The following PIK3CB variants were observed in gnomAD, a reference collection of about 807,000 sequenced individuals.
PIK3CB encodes the protein phosphatidylinositol 4,5-bisphosphate 3-kinase catalytic subunit beta isoform.
A neutral mutation model predicts 136.8 loss-of-function variants in PIK3CB; 39 were observed. The ratio of observed to expected loss-of-function variants is 0.29; its 90% CI spans 0.22 to 0.37. PIK3CB has a LOEUF of 0.37. Among genes scored for constraint, PIK3CB ranks in the 10% least tolerant of loss-of-function variants. The probability of loss-of-function intolerance (pLI) is 1.00; values close to 1 mark genes in which losing one functional copy is unlikely to be tolerated. For missense variants in PIK3CB, 868 were observed against 1,275.4 expected (o/e 0.68, Z 4.87); for synonymous variants, 428 against 436.6 (o/e 0.98, Z 0.25).
At chr3:138,714,402 T>G in intron 9 of PIK3CB, 66 bp downstream of exon 9, 6 of 1,094,382 alleles carry the variant, frequency 5.5e-6, no homozygotes, top group Non-Finnish European at 7.9e-6. Flanking sequence ...ATTACTCAAT[T>G]ATTTCAAACA....
rs1934202931 is a variant in PIK3CB, at chr3:138,834,908, G to C, written c.-335C>G. 3 of 150,744 alleles carry C rather than the reference G, an allele frequency of 2.0e-5. No homozygotes were observed. The highest frequency in any genetic ancestry group is 4.1e-4 in the South Asian group (2 of 4,928). The allele number at this position is 150,744 out of a possible 1,614,324, so 9.3% of individuals were successfully genotyped here. A position where few individuals can be genotyped will look rare whatever the true frequency, so the allele number is the denominator to read the frequency against. ...GCCGACAGAGCACGCGCGCGCCGCC[G>C]CCGAACCCGCGCCCGTGTGCGCGCG... On this transcript the variant is annotated 5_prime_UTR_variant, in exon 1 of 24. Transcript: ENST00000674063.
At chr3:138,827,352 A>G (rs1933827026) in intron 1 of PIK3CB, among the ~76,000 whole-genome samples, 2 of 152,118 alleles carry the variant, frequency 1.3e-5, no homozygotes, top group Admixed American at 1.3e-4. Context: ...AGATTGAGAG[A>G]GTTAAGAACG....
In PIK3CB at chr3:138,652,721, A is replaced by G; in HGVS notation, c.*2668T>C. On this transcript the variant is annotated 3_prime_UTR_variant, in exon 24 of 24. Transcript: ENST00000674063. ...AGTAACTATAGTCGATAATTTAATT[A>G]TAGATCTTAAAATAACTAAAAGAGT... 4.7e-6 allele frequency: 1 copy of G among 213,074 alleles called. No individual in the cohort carries two copies. The highest frequency in any genetic ancestry group is 1.9e-4 in the South Asian group (1 of 5,326). 13.2% of individuals were successfully genotyped at this position (213,074 alleles called of 1,614,324 possible).
At chr3:138,693,948 T>TA (rs1289580912) in intron 14 of PIK3CB, among the ~76,000 whole-genome samples, 1 of 34,980 alleles carries the variant, frequency 2.9e-5, no homozygotes, top group Non-Finnish European at 4.2e-5. Context: ...TATATATATA[T>TA]ATATATATAT....
chr3:138,670,970 G>A (rs759067447), intron 19 of PIK3CB, among the ~76,000 whole-genome samples: 36 of 151,898 alleles, frequency 2.4e-4, no homozygotes, highest in Non-Finnish European at 4.7e-4. Flanking sequence ...TAAAAAAAAG[G>A]AAATTTAGGT....
At chr3:138,753,234 A>C (rs1014809961) in intron 4 of PIK3CB, among the ~76,000 whole-genome samples, 1 of 151,870 alleles carries the variant, frequency 6.6e-6, no homozygotes, top group African/African-American at 2.4e-5. Flanking sequence ...AATAAAAACA[A>C]AAACAGCTGG....
At chr3:138,820,103 C>A (rs1933494042) in intron 1 of PIK3CB, among the ~76,000 whole-genome samples, 2 of 152,190 alleles carry the variant, frequency 1.3e-5, no homozygotes, top group South Asian at 4.1e-4. Context: ...TCTTACAGGA[C>A]ACAAAACAAA....
At chr3:138,676,775 T>C (rs900626275) in intron 19 of PIK3CB, among the ~76,000 whole-genome samples, 3 of 152,166 alleles carry the variant, frequency 2.0e-5, no homozygotes, top group Non-Finnish European at 4.4e-5. Flanking sequence ...TCCATTTATA[T>C]AAAATGTCCA....
At chr3:138,733,261 A>G in intron 8 of PIK3CB, 100 bp downstream of exon 8, 2 of 518,222 alleles carry the variant, frequency 3.9e-6, no homozygotes, top group Non-Finnish European at 3.5e-6. Flanking sequence ...ATTGATCAAT[A>G]TGGGTAAAAT....
At chr3:138,722,129 GT>G (rs57765444) in intron 8 of PIK3CB, among the ~76,000 whole-genome samples, 2,543 of 128,626 alleles carry the variant, frequency 0.02, 46 homozygotes, top group African/African-American at 0.038. Flanking sequence ...GCTACTGGGT[GT>G]TTTTTTTTTT....
intron 2 of PIK3CB, among the ~76,000 whole-genome samples, chr3:138,787,577 G>C (rs1007353379): frequency 2.0e-5 from 3 of 151,848 alleles, no homozygotes; most frequent in Admixed American, 6.6e-5. Context: ...CCCTTTCATA[G>C]CTTTTACTGG....
In PIK3CB at chr3:138,712,267, T is replaced by C; in HGVS notation, c.1340A>G (p.Asp447Gly). The C allele has an allele frequency of 6.3e-7, 1 of 1,584,750 alleles. No individual in the cohort carries two copies. The highest frequency in any genetic ancestry group is 8.6e-7 in the Non-Finnish European group (1 of 1,161,612). Residue 447 changes from aspartate (D) to glycine (G), a missense_variant, in exon 10 of 24, where the codon GAC becomes GGC. Around this residue, in one of 4 missense-constraint regions of PIK3CB, gnomAD observed 612 missense variants for 801.1 expected, o/e 0.76. Transcript: ENST00000674063. ...TCCAGTTCTCAATTGTCCTTTAAAG[T>C]CAAAAACCATCGTATTTACCCACGC... ...PVAWVNTMVF[D>G]FKGQLRTGDI...
chr3:138,734,614 G>A lies in PIK3CB; in HGVS notation c.972+20C>T, dbSNP rs1191626244. The stretch of plus-strand genomic sequence containing the variant: ...TCACATGGCTTTTGGGGTTACTAAA[G>A]GTTCAGAAATAAAACTTACAGAAAT... On this transcript the variant is annotated intron_variant, in intron 7 of 23. Transcript: ENST00000674063. 6.4e-7 allele frequency: 1 copy of A among 1,572,344 alleles called. No homozygotes were observed. Among genetic ancestry groups the A allele is most frequent in the African/African-American group, 1.4e-5 (1 of 74,014 alleles).
At chr3:138,710,023 CAAAAAAA>C (rs34985570) in intron 10 of PIK3CB, among the ~76,000 whole-genome samples, 4,817 of 91,954 alleles carry the variant, frequency 0.052, 294 homozygotes, top group African/African-American at 0.18. Flanking sequence ...ACAAAAAATA[CAAAAAAA>C]AAAAAAAAAA....
intron 5 of PIK3CB, among the ~76,000 whole-genome samples, 194 bp from the exon 6 acceptor site, chr3:138,738,080 G>A (rs1466967672): frequency 1.3e-5 from 2 of 152,024 alleles, no homozygotes; most frequent in Non-Finnish European, 2.9e-5. Flanking sequence ...CTGATAATTT[G>A]AAAGTCATCT....
chr3:138,731,778 T>C (rs1197198142), intron 8 of PIK3CB, among the ~76,000 whole-genome samples: 2 of 151,006 alleles, frequency 1.3e-5, no homozygotes, highest in African/African-American at 4.9e-5. Context: ...AGGTCAGGAG[T>C]TCGAGACCAG....
chr3:138,735,270 T>C (rs925531998), intron 6 of PIK3CB, among the ~76,000 whole-genome samples: 4 of 151,842 alleles, frequency 2.6e-5, no homozygotes, highest in Non-Finnish European at 4.4e-5. Flanking sequence ...GAATTTTAAA[T>C]CACAATACAA....
chr3:138,756,896 A>C (rs1203721143), intron 3 of PIK3CB, among the ~76,000 whole-genome samples: 1 of 152,212 alleles, frequency 6.6e-6, no homozygotes, highest in Non-Finnish European at 1.5e-5. Flanking sequence ...TGAAAAGGCA[A>C]CCAACAAAAT....
chr3:138,777,001 G>A (rs1345506489), intron 2 of PIK3CB, among the ~76,000 whole-genome samples: 5 of 150,030 alleles, frequency 3.3e-5, no homozygotes, highest in African/African-American at 9.9e-5. Context: ...GTGATTACAC[G>A]ATCAACAGCA....
Sources: gnomAD v4.1 joint callset for allele counts (sites outside exome capture counted in the v4.1 genomes callset) on GRCh38, gnomAD v4.1.1 for gene constraint, gnomAD v4.1.1 regional missense constraint, MANE v1.5 for transcripts, NCBI Gene and HGNC (gene_info 2026-07-23, HGNC 2026-07-21) for gene names.